STX8: variants seen among roughly 807,000 people sequenced by gnomAD.
STX8 encodes the protein syntaxin-8.
In STX8, 23 loss-of-function variants were observed where a neutral mutation model predicts 37.5. The observed-to-expected ratio is 0.61, with a 90% CI of 0.44 to 0.87. STX8 has a LOEUF of 0.87. STX8 is among the 40% of genes least tolerant of loss of function. The probability of loss-of-function intolerance (pLI) is 0.00; values close to 1 mark genes in which losing one functional copy is unlikely to be tolerated. For missense variants in STX8, 313 were observed against 284.7 expected (o/e 1.10, Z -0.71); for synonymous variants, 115 against 99.1 (o/e 1.16, Z -0.95).
intron 6 of STX8, among the ~76,000 whole-genome samples, chr17:9,420,652 T>C (rs779231980): frequency 6.6e-6 from 1 of 152,168 alleles, no homozygotes; most frequent in Non-Finnish European, 1.5e-5. Flanking sequence ...AGAGGTTAAG[T>C]CTACAATTCT....
chr17:9,377,485 T>C (rs1348382403), intron 7 of STX8, among the ~76,000 whole-genome samples: 1 of 152,078 alleles, frequency 6.6e-6, no homozygotes, highest in Non-Finnish European at 1.5e-5. Context: ...AATTAATTAA[T>C]TTTGAGACAG....
intron 6 of STX8, among the ~76,000 whole-genome samples, chr17:9,463,580 G>C (rs1905482598): frequency 6.6e-6 from 1 of 151,892 alleles, no homozygotes; most frequent in African/African-American, 2.4e-5. Flanking sequence ...GCCAACTCCT[G>C]GTTGAACATG....
intron 6 of STX8, among the ~76,000 whole-genome samples, chr17:9,396,869 A>G (rs943971001): frequency 3.9e-5 from 6 of 152,236 alleles, no homozygotes; most frequent in African/African-American, 1.4e-4. Context: ...CCAGCAATAA[A>G]TGCAGACTGT....
intron 7 of STX8, among the ~76,000 whole-genome samples, chr17:9,324,154 A>G (rs1295093573): frequency 6.9e-6 from 1 of 145,604 alleles, no homozygotes; most frequent in Non-Finnish European, 1.6e-5. Context: ...ACACACACAC[A>G]CAAACACAAA....
At chr17:9,301,667 T>G (rs1171355745) in intron 7 of STX8, among the ~76,000 whole-genome samples, 1 of 149,630 alleles carries the variant, frequency 6.7e-6, no homozygotes, top group East Asian at 1.9e-4. Flanking sequence ...TTTTTTTTTG[T>G]ATTTTTAGTA....
At chr17:9,253,109 C>T (rs139323263) in intron 7 of STX8, among the ~76,000 whole-genome samples, 5 of 152,176 alleles carry the variant, frequency 3.3e-5, no homozygotes, top group Admixed American at 2.0e-4. Flanking sequence ...TCCTTTCTTC[C>T]TTGTAAATTC....
chr17:9,362,501 A>C (rs9900290), intron 7 of STX8, among the ~76,000 whole-genome samples: 9,497 of 152,024 alleles, frequency 0.062, 1,002 homozygotes, highest in African/African-American at 0.21. Flanking sequence ...AACCTGCCAA[A>C]TCTTCTCCTT....
At chr17:9,480,809 C>T (rs951214639) in intron 6 of STX8, among the ~76,000 whole-genome samples, 2 of 152,188 alleles carry the variant, frequency 1.3e-5, no homozygotes, top group Non-Finnish European at 2.9e-5. Context: ...ACCCTTTCCT[C>T]ATCTGACATC....
chr17:9,416,087 A>G (rs1471806746), intron 6 of STX8, among the ~76,000 whole-genome samples: 2 of 152,204 alleles, frequency 1.3e-5, no homozygotes, highest in Non-Finnish European at 2.9e-5. Context: ...AAGTGTCTCC[A>G]GAGCTGTGCT....
intron 6 of STX8, among the ~76,000 whole-genome samples, chr17:9,402,837 T>C (rs768218635): frequency 1.3e-5 from 2 of 152,124 alleles, no homozygotes; most frequent in Non-Finnish European, 2.9e-5. Context: ...GAATCCTGGG[T>C]GCTTGTGTGT....
intron 6 of STX8, among the ~76,000 whole-genome samples, chr17:9,410,522 T>C (rs1912944541): frequency 6.6e-6 from 1 of 152,074 alleles, no homozygotes; most frequent in African/African-American, 2.4e-5. Flanking sequence ...GTTACTGGAG[T>C]TGTCTATCTT....
intron 6 of STX8, among the ~76,000 whole-genome samples, chr17:9,386,899 C>T (rs2142296640): frequency 6.6e-6 from 1 of 152,156 alleles, no homozygotes. Flanking sequence ...GACAGAGTTT[C>T]ACTCTTGTTG....
chr17:9,350,172 T>C (rs1018135670), intron 7 of STX8, among the ~76,000 whole-genome samples: 9 of 151,668 alleles, frequency 5.9e-5, no homozygotes, highest in Admixed American at 5.3e-4. Context: ...ATCATGGTAA[T>C]GACTAATGAA....
intron 6 of STX8, among the ~76,000 whole-genome samples, chr17:9,406,636 T>A (rs10438745): frequency 0.21 from 31,938 of 152,224 alleles, 3,959 homozygotes; most frequent in South Asian, 0.36. Context: ...TGCAAGTAGA[T>A]CTGTGTATAT....
chr17:9,274,746 T>TTC (rs1907607804), intron 7 of STX8, among the ~76,000 whole-genome samples: 1 of 124,358 alleles, frequency 8.0e-6, no homozygotes, highest in Non-Finnish European at 1.8e-5. Context: ...AACAATTTCT[T>TTC]TTTTCTTTTT....
At chr17:9,259,411 C>G (rs997106127) in intron 7 of STX8, among the ~76,000 whole-genome samples, 1 of 152,174 alleles carries the variant, frequency 6.6e-6, no homozygotes, top group Non-Finnish European at 1.5e-5. Context: ...AGCTTAACAA[C>G]AGAAATCAAA....
intron 7 of STX8, among the ~76,000 whole-genome samples, chr17:9,324,518 T>A (rs1909691653): frequency 6.6e-6 from 1 of 151,684 alleles, no homozygotes; most frequent in South Asian, 2.1e-4. Flanking sequence ...ATCCCTGCAC[T>A]TTGGGGGGCT....
At chr17:9,456,569 TC>T in intron 6 of STX8, among the ~76,000 whole-genome samples, 1 of 152,280 alleles carries the variant, frequency 6.6e-6, no homozygotes, top group East Asian at 1.9e-4. Context: ...CTTCATTTCT[TC>T]CTCTGCTTGA....
At chr17:9,530,978 T>C (rs1299251469) in intron 4 of STX8, among the ~76,000 whole-genome samples, 1 of 152,260 alleles carries the variant, frequency 6.6e-6, no homozygotes, top group Non-Finnish European at 1.5e-5. Flanking sequence ...CCTTTTGGAA[T>C]TATTTCTTAT....
Sources: allele counts gnomAD v4.1 joint callset (sites outside exome capture counted in the v4.1 genomes callset), GRCh38; gene constraint gnomAD v4.1.1; transcripts MANE v1.5; gene names NCBI Gene and HGNC (gene_info 2026-07-23, HGNC 2026-07-21).